NAT1: variants seen among roughly 807,000 people sequenced by gnomAD.
NAT1 encodes the protein N-acetyltransferase 1.
For missense variants in NAT1, 400 were observed against 339.2 expected (o/e 1.18, Z -1.41); for synonymous variants, 144 against 122.6 (o/e 1.17, Z -1.16).
chr8:18,190,545 G>A (rs188829470), intron 2 of NAT1, among the ~76,000 whole-genome samples: 8 of 152,170 alleles, frequency 5.3e-5, no homozygotes, highest in Non-Finnish European at 1.0e-4. Flanking sequence ...TCTGAAAACC[G>A]ATTTAATACT....
At chr8:18,183,257 C>T (rs934085877) in intron 2 of NAT1, among the ~76,000 whole-genome samples, 2 of 152,300 alleles carry the variant, frequency 1.3e-5, no homozygotes, top group African/African-American at 4.8e-5. Flanking sequence ...GTAAACACCT[C>T]CCATCAAGCC....
At chr8:18,204,163 T>TCTCTCTCTCTC (rs1563177737) in intron 2 of NAT1, among the ~76,000 whole-genome samples, 25 of 148,620 alleles carry the variant, frequency 1.7e-4, no homozygotes, top group African/African-American at 6.1e-4. Context: ...TTGGATGTCT[T>TCTCTCTCTCTC]TCTCTCTCTC....
At chr8:18,178,568 G>A (rs1223579746) in intron 2 of NAT1, among the ~76,000 whole-genome samples, 1 of 152,146 alleles carries the variant, frequency 6.6e-6, no homozygotes, top group African/African-American at 2.4e-5. Flanking sequence ...TCAGTGAGAT[G>A]TGAGCTATAG....
At chr8:18,178,540 A>ATT in intron 2 of NAT1, among the ~76,000 whole-genome samples, 2 of 152,280 alleles carry the variant, frequency 1.3e-5, no homozygotes, top group East Asian at 3.9e-4. Flanking sequence ...ATGTGTAGAC[A>ATT]GCAGAGAATT....
chr8:18,192,035 C>A (rs1179427832), intron 2 of NAT1, among the ~76,000 whole-genome samples: 2 of 151,220 alleles, frequency 1.3e-5, no homozygotes, highest in Non-Finnish European at 3.0e-5. Context: ...AAGAAACTAC[C>A]ATCAGAGTGA....
At chr8:18,187,155 T>C (rs184504176) in intron 2 of NAT1, among the ~76,000 whole-genome samples, 7 of 152,264 alleles carry the variant, frequency 4.6e-5, no homozygotes, top group Admixed American at 4.6e-4. Flanking sequence ...TGATATACCA[T>C]CTGACACCGG....
chr8:18,217,669 C>T (rs1352466328), intron 1 of NAT1, among the ~76,000 whole-genome samples: 2 of 152,164 alleles, frequency 1.3e-5, no homozygotes, highest in Non-Finnish European at 2.9e-5. Flanking sequence ...CGCAGAGATT[C>T]ACAACTGAGA....
chr8:18,186,824 G>A (rs1017716399), intron 2 of NAT1, among the ~76,000 whole-genome samples: 8 of 152,040 alleles, frequency 5.3e-5, no homozygotes, highest in Non-Finnish European at 7.4e-5. Context: ...AAGAGCTTTC[G>A]CACAGCAAAA....
At chr8:18,177,028 G>T (rs1379032949) in intron 2 of NAT1, among the ~76,000 whole-genome samples, 1 of 151,900 alleles carries the variant, frequency 6.6e-6, no homozygotes, top group Admixed American at 6.6e-5. Flanking sequence ...TGTTATTAGT[G>T]TACAGAAACA....
At chr8:18,210,324 A>G (rs959783878) in intron 1 of NAT1, 144 bp downstream of exon 1, 2 of 152,190 alleles carry the variant, frequency 1.3e-5, no homozygotes, top group African/African-American at 4.8e-5. Context: ...TTGGAAGCTA[A>G]TGCTGTCACT....
intron 2 of NAT1, among the ~76,000 whole-genome samples, chr8:18,183,895 C>A (rs552101064): frequency 6.6e-6 from 1 of 152,156 alleles, no homozygotes; most frequent in Admixed American, 6.5e-5. Flanking sequence ...TTGGGTTGAC[C>A]TCCCAAGGCC....
intron 2 of NAT1, among the ~76,000 whole-genome samples, chr8:18,195,931 A>G (rs143628618): frequency 5.3e-5 from 8 of 152,078 alleles, no homozygotes; most frequent in Non-Finnish European, 1.2e-4. Flanking sequence ...TAAAAAAAAA[A>G]AGACCCTGAT....
chr8:18,207,224 T>A (rs189127729), upstream of NAT1, among the ~76,000 whole-genome samples: 37 of 152,318 alleles, frequency 2.4e-4, no homozygotes, highest in African/African-American at 7.9e-4. Flanking sequence ...TCTGTTACAT[T>A]GGTCTATGTG....
chr8:18,220,891 G>A (rs1031470514), intron 2 of NAT1, among the ~76,000 whole-genome samples: 1 of 152,196 alleles, frequency 6.6e-6, no homozygotes, highest in Non-Finnish European at 1.5e-5. Context: ...TAGAGCATAT[G>A]TGTTCAAATT....
At chr8:18,170,875 G>A (rs921956331) in intron 2 of NAT1, 12 of 149,130 alleles carry the variant, frequency 8.0e-5, no homozygotes, top group African/African-American at 2.9e-4. Context: ...AGCGACCTTT[G>A]TTCCTTTTTC....
intron 2 of NAT1, among the ~76,000 whole-genome samples, chr8:18,189,255 T>G (rs943691163): frequency 1.3e-5 from 2 of 152,162 alleles, no homozygotes; most frequent in East Asian, 3.8e-4. Flanking sequence ...ACTTTATTAT[T>G]TTTTCCAACT....
rs915142647 is a variant in NAT1, at chr8:18,216,968, G to T, written c.-85-2443G>T. 1.1e-5 allele frequency: 17 copies of T among 1,550,746 alleles called. No individual in the cohort carries two copies. The Middle Eastern group carries it at 6.7e-4, about 61-fold the overall frequency. ...CAGCTGTTGGCTATAATAGCCTACC[G>T]GTCTCTGATGATCACCATGTTTCTG... On this transcript the variant is annotated intron_variant, in intron 1 of 2. Coordinates refer to ENST00000307719, the MANE Select transcript of NAT1 (RefSeq NM_000662.8).
intron 2 of NAT1, among the ~76,000 whole-genome samples, chr8:18,178,885 C>T (rs1802394367): frequency 6.6e-6 from 1 of 152,056 alleles, no homozygotes; most frequent in African/African-American, 2.4e-5. Context: ...ATACCACTTA[C>T]TCCTCTAGAT....
At chr8:18,185,756 A>G (rs550420901) in intron 2 of NAT1, among the ~76,000 whole-genome samples, 4 of 151,730 alleles carry the variant, frequency 2.6e-5, no homozygotes, top group South Asian at 2.1e-4. Flanking sequence ...CACCCTTTCT[A>G]CTTTTCTTAC....
Sources: allele counts gnomAD v4.1 joint callset (sites outside exome capture counted in the v4.1 genomes callset), GRCh38; gene constraint gnomAD v4.1.1; transcripts MANE v1.5; gene names NCBI Gene and HGNC (gene_info 2026-07-23, HGNC 2026-07-21).